Variants in GPC6 observed in about 807,000 individuals in gnomAD.
GPC6 encodes glypican-6.
A neutral mutation model predicts 55.2 loss-of-function variants in GPC6; 14 were observed. The ratio of observed to expected loss-of-function variants is 0.25; its 90% CI spans 0.17 to 0.40. GPC6 has a LOEUF of 0.40. Ranked by LOEUF, GPC6 falls within the 10% of genes least tolerant of loss-of-function variation. The pLI is 1.00. For synonymous variants in GPC6, 278 were observed against 259.6 expected, an observed-to-expected ratio of 1.07 and a Z score of -0.68; for missense variants, 641 against 708.5, an observed-to-expected ratio of 0.90 and a Z score of 1.08.
At chr13:93,459,957 C>T (rs11619543) in intron 1 of GPC6, among the ~76,000 whole-genome samples, 33,791 of 152,060 alleles carry the variant, frequency 0.22, 4,270 homozygotes, top group Middle Eastern at 0.37. Context: ...ATCAATGACA[C>T]CTGTTCACAT....
chr13:93,559,080 A>G (rs978826433), intron 2 of GPC6, among the ~76,000 whole-genome samples: 1 of 152,114 alleles, frequency 6.6e-6, no homozygotes, highest in African/African-American at 2.4e-5. Flanking sequence ...GTCCTATGCT[A>G]TTCTACTTTT....
At chr13:94,199,086 T>A (rs554950669) in intron 4 of GPC6, among the ~76,000 whole-genome samples, 2 of 152,338 alleles carry the variant, frequency 1.3e-5, no homozygotes, top group East Asian at 3.9e-4. Flanking sequence ...GCCACATGCT[T>A]GTTGAAAAGC....
At chr13:93,560,145 T>G (rs1267742096) in intron 2 of GPC6, among the ~76,000 whole-genome samples, 1 of 152,068 alleles carries the variant, frequency 6.6e-6, no homozygotes, top group Non-Finnish European at 1.5e-5. Context: ...CTTCCTTTCC[T>G]CATCTGAATG....
chr13:93,317,054 G>T (rs1264686727), intron 1 of GPC6, among the ~76,000 whole-genome samples: 2 of 152,026 alleles, frequency 1.3e-5, no homozygotes, highest in African/African-American at 4.8e-5. Flanking sequence ...TAAATGTTAG[G>T]GGAGGTTTAG....
chr13:93,598,239 A>G (rs188210616), intron 2 of GPC6, among the ~76,000 whole-genome samples: 10 of 152,304 alleles, frequency 6.6e-5, no homozygotes, highest in African/African-American at 2.2e-4. Flanking sequence ...TCAAGGGTCA[A>G]TTATAAAACT....
intron 2 of GPC6, among the ~76,000 whole-genome samples, chr13:93,684,120 G>C (rs1594369874): frequency 6.6e-6 from 1 of 152,114 alleles, no homozygotes; most frequent in South Asian, 2.1e-4. Context: ...ACACAAGCAT[G>C]CAAGCCATGA....
chr13:93,841,748 A>G (rs549347629), intron 3 of GPC6, among the ~76,000 whole-genome samples: 17 of 152,358 alleles, frequency 1.1e-4, no homozygotes, highest in Admixed American at 9.8e-4. Context: ...AACATGCTGC[A>G]TGTCAGAAAT....
intron 3 of GPC6, among the ~76,000 whole-genome samples, chr13:93,841,989 CTT>C (rs1202100817): frequency 1.3e-5 from 2 of 152,110 alleles, no homozygotes. Flanking sequence ...AAATACAAGT[CTT>C]TTCATAGAGA....
In GPC6 at chr13:93,389,059, C is replaced by A. The variant is rs557479004; in HGVS notation, c.161-156204C>A. ...TATCTATTGAGCTGCAGTATTCTTA[C>A]TTGGTGTAATGATGTGGGGTGAGAT... is the stretch of plus-strand genomic sequence containing the variant. On this transcript the variant is annotated intron_variant, in intron 1 of 8. Transcript: ENST00000377047. Among the ~76,000 whole-genome samples, 3 of 152,142 alleles carry A rather than the reference C, an allele frequency of 2.0e-5. No homozygotes were observed. The South Asian group carries it at 6.2e-4, about 32-fold the overall frequency.
At chr13:94,336,629 C>T (rs1220075793) in intron 6 of GPC6, among the ~76,000 whole-genome samples, 1 of 152,022 alleles carries the variant, frequency 6.6e-6, no homozygotes, top group Non-Finnish European at 1.5e-5. Context: ...GGTTGGTGCT[C>T]AATATAGTGA....
intron 4 of GPC6, among the ~76,000 whole-genome samples, chr13:94,272,795 A>G (rs1209923711): frequency 2.6e-5 from 4 of 151,778 alleles, no homozygotes; most frequent in Non-Finnish European, 4.4e-5. Flanking sequence ...TGATAGATGG[A>G]CTGATTGTAG....
chr13:94,171,494 T>C, intron 4 of GPC6, among the ~76,000 whole-genome samples: 1 of 152,132 alleles, frequency 6.6e-6, no homozygotes, highest in East Asian at 1.9e-4. Context: ...TCAGTAAAAG[T>C]AAGGGAACTA....
chr13:93,794,809 CA>C (rs1886150197), intron 2 of GPC6, among the ~76,000 whole-genome samples: 1 of 152,172 alleles, frequency 6.6e-6, no homozygotes, highest in Non-Finnish European at 1.5e-5. Flanking sequence ...GCTGTAGATT[CA>C]CTCAGTAAAT....
At chr13:93,817,935 A>G (rs575687999) in intron 2 of GPC6, among the ~76,000 whole-genome samples, 4 of 148,412 alleles carry the variant, frequency 2.7e-5, no homozygotes, top group Middle Eastern at 3.6e-3. Flanking sequence ...TCTATTATAG[A>G]TATAATTTAT....
At chr13:94,264,260 G>A (rs1212316134) in intron 4 of GPC6, among the ~76,000 whole-genome samples, 1 of 152,206 alleles carries the variant, frequency 6.6e-6, no homozygotes, top group African/African-American at 2.4e-5. Flanking sequence ...TGGGTTAAGA[G>A]TGAAATAATT....
At chr13:93,947,046 C>T (rs1440820583) in intron 3 of GPC6, among the ~76,000 whole-genome samples, 1 of 152,082 alleles carries the variant, frequency 6.6e-6, no homozygotes, top group Non-Finnish European at 1.5e-5. Context: ...TGATAGTAAC[C>T]AAGTTCAGTT....
At chr13:93,677,927 A>C (rs1352145245) in intron 2 of GPC6, among the ~76,000 whole-genome samples, 2 of 152,168 alleles carry the variant, frequency 1.3e-5, no homozygotes, top group African/African-American at 4.8e-5. Flanking sequence ...AATTAAACTC[A>C]AATTTTATAT....
chr13:94,094,690 T>G (rs1321735158), intron 4 of GPC6, among the ~76,000 whole-genome samples: 1 of 152,156 alleles, frequency 6.6e-6, no homozygotes, highest in Non-Finnish European at 1.5e-5. Context: ...GGTTTAGTTT[T>G]TAAGAAATTG....
At chr13:93,287,345 A>G (rs1303070509) in intron 1 of GPC6, among the ~76,000 whole-genome samples, 1 of 152,214 alleles carries the variant, frequency 6.6e-6, no homozygotes, top group Non-Finnish European at 1.5e-5. Context: ...CCAATGACAT[A>G]GAGGCAGGGA....
Sources: allele counts gnomAD v4.1 joint callset (sites outside exome capture counted in the v4.1 genomes callset), GRCh38; gene constraint gnomAD v4.1.1; transcripts MANE v1.5; gene names NCBI Gene and HGNC (gene_info 2026-07-23, HGNC 2026-07-21).